Variants in ROBO1 observed in about 807,000 individuals in gnomAD.
ROBO1 encodes roundabout guidance receptor 1.
Under a neutral mutation model 195.9 loss-of-function variants are expected in ROBO1, and 149 were observed. That is an observed-to-expected ratio of 0.76 (90% CI 0.67 to 0.87). The LOEUF is 0.87. Ranked by LOEUF, ROBO1 falls within the 40% of genes least tolerant of loss-of-function variation. The pLI, the probability that ROBO1 is intolerant of heterozygous loss-of-function variation, is 0.00. For missense variants in ROBO1, 1,933 were observed against 2,068.3 expected, an observed-to-expected ratio of 0.93 and a Z score of 1.27; for synonymous variants, 816 against 733.2, an observed-to-expected ratio of 1.11 and a Z score of -1.82.
chr3:78,874,591 T>C (rs1468809441), intron 4 of ROBO1, among the ~76,000 whole-genome samples: 1 of 151,872 alleles, frequency 6.6e-6, no homozygotes, highest in Non-Finnish European at 1.5e-5. Context: ...TCATACACTT[T>C]CAAGTATTCA....
At chr3:79,156,499 A>G (rs968734986) in intron 2 of ROBO1, among the ~76,000 whole-genome samples, 5 of 151,826 alleles carry the variant, frequency 3.3e-5, no homozygotes, top group Non-Finnish European at 7.4e-5. Context: ...TATAGTTACA[A>G]AGGAAAACGA....
At chr3:78,984,727 G>A (rs551753187) in intron 3 of ROBO1, among the ~76,000 whole-genome samples, 2 of 152,140 alleles carry the variant, frequency 1.3e-5, no homozygotes, top group East Asian at 3.9e-4. Context: ...GACTATGTAG[G>A]CAACTACAAC....
At chr3:79,312,504 T>C (rs2033534817) in intron 2 of ROBO1, among the ~76,000 whole-genome samples, 1 of 152,234 alleles carries the variant, frequency 6.6e-6, no homozygotes, top group Non-Finnish European at 1.5e-5. Flanking sequence ...AATAAATATA[T>C]GAATGAAGCG....
At chr3:79,642,950 G>T (rs1945709509) in intron 1 of ROBO1, among the ~76,000 whole-genome samples, 1 of 152,078 alleles carries the variant, frequency 6.6e-6, no homozygotes, top group South Asian at 2.1e-4. Flanking sequence ...AACTTGATTG[G>T]GTTGAAGGAT....
At chr3:79,758,108 T>C (rs546465382) in intron 1 of ROBO1, among the ~76,000 whole-genome samples, 1 of 152,332 alleles carries the variant, frequency 6.6e-6, no homozygotes, top group African/African-American at 2.4e-5. Flanking sequence ...AAAGCATTGA[T>C]GTTATTACCA....
chr3:79,195,505 G>T (rs1283625364), intron 2 of ROBO1, among the ~76,000 whole-genome samples: 3 of 151,484 alleles, frequency 2.0e-5, no homozygotes, highest in African/African-American at 2.4e-5. Flanking sequence ...CCTTTTCATA[G>T]AACTTTTTAC....
intron 2 of ROBO1, among the ~76,000 whole-genome samples, chr3:79,182,451 A>T (rs1260960033): frequency 6.6e-6 from 1 of 151,988 alleles, no homozygotes; most frequent in Non-Finnish European, 1.5e-5. Flanking sequence ...AAGCATCTAC[A>T]CTCCCCTAAA....
At chr3:79,682,549 A>G (rs1946981496) in intron 1 of ROBO1, among the ~76,000 whole-genome samples, 1 of 151,996 alleles carries the variant, frequency 6.6e-6, no homozygotes, top group Non-Finnish European at 1.5e-5. Flanking sequence ...ATGGATTTTT[A>G]AAAAATAGAA....
intron 1 of ROBO1, among the ~76,000 whole-genome samples, chr3:79,727,544 A>T (rs887993238): frequency 1.7e-4 from 26 of 152,192 alleles, no homozygotes; most frequent in Admixed American, 1.7e-3. Flanking sequence ...TATTTATTAA[A>T]TACCCACTTT....
intron 1 of ROBO1, among the ~76,000 whole-genome samples, chr3:79,733,423 T>C (rs1332497188): frequency 6.6e-6 from 1 of 152,176 alleles, no homozygotes; most frequent in Non-Finnish European, 1.5e-5. Context: ...AAATACTGAG[T>C]AACCTGGAAG....
chr3:78,854,421 A>G (rs1259655017), intron 4 of ROBO1, among the ~76,000 whole-genome samples: 1 of 150,386 alleles, frequency 6.6e-6, no homozygotes, highest in Non-Finnish European at 1.5e-5. Flanking sequence ...ACACATAGAG[A>G]GAGACATATA....
intron 1 of ROBO1, among the ~76,000 whole-genome samples, chr3:79,733,172 AT>A (rs1703227152): frequency 6.6e-6 from 1 of 152,098 alleles, no homozygotes; most frequent in African/African-American, 2.4e-5. Flanking sequence ...CTTTGAAACC[AT>A]TTCACCATCA....
intron 2 of ROBO1, among the ~76,000 whole-genome samples, chr3:79,517,027 T>C (rs1391834797): frequency 6.6e-6 from 1 of 152,226 alleles, no homozygotes; most frequent in Non-Finnish European, 1.5e-5. Flanking sequence ...AACTGCATCA[T>C]AGTGTATTAC....
chr3:79,320,750 A>G (rs2033945510), intron 2 of ROBO1, among the ~76,000 whole-genome samples: 1 of 152,206 alleles, frequency 6.6e-6, no homozygotes, highest in South Asian at 2.1e-4. Flanking sequence ...AACCTACATT[A>G]AATTATTAAG....
intron 2 of ROBO1, among the ~76,000 whole-genome samples, chr3:79,310,309 T>C (rs911173735): frequency 2.0e-5 from 3 of 152,166 alleles, no homozygotes; most frequent in African/African-American, 7.2e-5. Context: ...AGAACCTTAT[T>C]TATCATGCTG....
At position 79,753,660 on chromosome 3, in the gene ROBO1, G is replaced by A. The variant is rs147242044; in HGVS notation, c.-51+14092C>T. Among the ~76,000 whole-genome samples, 817 of 152,256 alleles carry A rather than the reference G, an allele frequency of 5.4e-3. 4 individuals are homozygous for A. The highest frequency in any genetic ancestry group is 0.019 in the African/African-American group (784 of 41,548). ...TAAAAGTTGAAGTCATAGATGTAAA[G>A]AAGAGCATTAAGAGAGAATCCACCA... On this transcript the variant is annotated intron_variant, in intron 1 of 30. Transcript: ENST00000464233.
intron 3 of ROBO1, among the ~76,000 whole-genome samples, chr3:79,089,385 T>C (rs1002906881): frequency 4.6e-5 from 7 of 152,150 alleles, no homozygotes; most frequent in Admixed American, 2.0e-4. Flanking sequence ...CGTCATCATT[T>C]TTAATAGCCG....
chr3:79,419,722 A>G (rs1052822927), intron 2 of ROBO1, among the ~76,000 whole-genome samples: 6 of 152,150 alleles, frequency 3.9e-5, no homozygotes, highest in African/African-American at 1.4e-4. Flanking sequence ...TAGGAGTCTC[A>G]TTAACAAACC....
chr3:79,509,235 C>G (rs542327520), intron 2 of ROBO1, among the ~76,000 whole-genome samples: 1 of 151,428 alleles, frequency 6.6e-6, no homozygotes, highest in Non-Finnish European at 1.5e-5. Flanking sequence ...ATAGCTGGTT[C>G]TACTTTATTA....
Sources: gnomAD v4.1 joint callset for allele counts (sites outside exome capture counted in the v4.1 genomes callset) on GRCh38, gnomAD v4.1.1 for gene constraint, MANE v1.5 for transcripts, NCBI Gene and HGNC (gene_info 2026-07-23, HGNC 2026-07-21) for gene names.